The following ALCAM variants were observed in gnomAD, a reference collection of about 807,000 sequenced individuals.
ALCAM encodes activated leukocyte cell adhesion molecule.
In ALCAM, 30 loss-of-function variants were observed where a neutral mutation model predicts 70.9. The observed-to-expected ratio is 0.42, with a 90% CI of 0.32 to 0.57. The LOEUF (loss-of-function observed/expected upper bound fraction) is 0.57, where lower values mean the gene tolerates loss of function less well. ALCAM is among the 20% of genes least tolerant of loss of function. The probability of loss-of-function intolerance (pLI) is 0.11; values close to 1 mark genes in which losing one functional copy is unlikely to be tolerated. For missense variants in ALCAM, 591 were observed against 695.1 expected, an observed-to-expected ratio of 0.85 and a Z score of 1.68; for synonymous variants, 249 against 242.5, an observed-to-expected ratio of 1.03 and a Z score of -0.25.
intron 4 of ALCAM, among the ~76,000 whole-genome samples, chr3:105,533,344 A>C (rs1939888365): frequency 6.6e-6 from 1 of 152,202 alleles, no homozygotes; most frequent in Admixed American, 6.5e-5. Flanking sequence ...TTTCAAATGA[A>C]TGTGATTTTA....
chr3:105,389,254 C>T (rs916869182), intron 1 of ALCAM, among the ~76,000 whole-genome samples: 6 of 150,234 alleles, frequency 4.0e-5, no homozygotes, highest in African/African-American at 7.3e-5. Flanking sequence ...ATTAAAAATA[C>T]GGGATGAAAG....
intron 1 of ALCAM, among the ~76,000 whole-genome samples, chr3:105,368,297 TCG>T (rs1393642537): frequency 2.9e-5 from 4 of 136,258 alleles, no homozygotes. Flanking sequence ...AAAATATCTC[TCG>T]GGAAATCCCT....
chr3:105,514,161 C>T (rs2152620897), intron 1 of ALCAM, among the ~76,000 whole-genome samples: 1 of 152,072 alleles, frequency 6.6e-6, no homozygotes, highest in East Asian at 1.9e-4. Context: ...CTGATTTCAT[C>T]TTGTTTCTTA....
rs1940939528 is a variant in ALCAM at position 105,575,364 on chromosome 3, T to C, written c.*913T>C. 1 of 152,630 alleles carries C rather than the reference T, an allele frequency of 6.6e-6. No homozygotes were observed. The highest frequency in any genetic ancestry group is 2.4e-5 in the African/African-American group (1 of 41,460). 9.5% of individuals were successfully genotyped at this position (152,630 alleles called of 1,614,324 possible). On this transcript the variant is annotated 3_prime_UTR_variant, in exon 16 of 16. Transcript: ENST00000306107. ...TGGGTTATCCACTGCCTTAAAATTA[T>C]ACCTATTTCATGTTTAAAAAGATAT...
intron 1 of ALCAM, among the ~76,000 whole-genome samples, chr3:105,462,802 T>C (rs554440253): frequency 6.6e-6 from 1 of 151,552 alleles, no homozygotes; most frequent in Admixed American, 6.6e-5. Flanking sequence ...ACGATATATG[T>C]ACTTACAAAG....
At chr3:105,419,667 A>T (rs1936595491) in intron 1 of ALCAM, among the ~76,000 whole-genome samples, 1 of 151,834 alleles carries the variant, frequency 6.6e-6, no homozygotes, top group African/African-American at 2.4e-5. Flanking sequence ...GGAATTTTTT[A>T]AAAATATGGC....
intron 1 of ALCAM, among the ~76,000 whole-genome samples, chr3:105,494,149 A>G (rs7646694): frequency 0.013 from 1,998 of 152,280 alleles, 33 homozygotes; most frequent in African/African-American, 0.044. Flanking sequence ...AGGGTCAATG[A>G]GGAAATCTCT....
intron 8 of ALCAM, among the ~76,000 whole-genome samples, chr3:105,543,142 C>T (rs946633867): frequency 3.3e-5 from 5 of 151,566 alleles, no homozygotes; most frequent in Non-Finnish European, 1.5e-5. Context: ...GCAAGGTACA[C>T]AGGTCTCTAA....
At chr3:105,524,117 A>T (rs913409363) in intron 2 of ALCAM, among the ~76,000 whole-genome samples, 172 bp from the exon 3 acceptor site, 1 of 152,164 alleles carries the variant, frequency 6.6e-6, no homozygotes, top group Admixed American at 6.5e-5. Flanking sequence ...CTTCTCTCTT[A>T]TGAAGGATTT....
chr3:105,541,827 C>T lies in ALCAM; in HGVS notation c.991+62C>T. On this transcript the variant is annotated intron_variant, in intron 8 of 15. Transcript: ENST00000306107. ...AAAGGCTTCTAATAGCTTAATGTAG[C>T]TATCTTTTCAAATAAACTGCACGTA... 3 of 1,576,094 alleles carry T rather than the reference C, an allele frequency of 1.9e-6. No individual in the cohort carries two copies. The East Asian group carries it at 6.7e-5, about 35-fold the overall frequency.
chr3:105,574,219 T>C (rs1159052002), intron 15 of ALCAM, among the ~76,000 whole-genome samples: 1 of 152,002 alleles, frequency 6.6e-6, no homozygotes, highest in Non-Finnish European at 1.5e-5. Flanking sequence ...AGAAATGCAA[T>C]GAAATATTTT....
At chr3:105,552,837 G>T in intron 14 of ALCAM, 1 of 1,252,566 alleles carries the variant, frequency 8.0e-7, no homozygotes, top group South Asian at 1.9e-5. Context: ...TCAATTATTT[G>T]ATTTTTTCAG....
At chr3:105,504,987 T>C (rs1939032697) in intron 1 of ALCAM, among the ~76,000 whole-genome samples, 1 of 152,210 alleles carries the variant, frequency 6.6e-6, no homozygotes, top group South Asian at 2.1e-4. Flanking sequence ...TTAGTGCATA[T>C]TGGCTAAGTA....
chr3:105,376,155 G>A (rs547465087), intron 1 of ALCAM, among the ~76,000 whole-genome samples: 3 of 152,234 alleles, frequency 2.0e-5, no homozygotes, highest in Admixed American at 2.0e-4. Context: ...TGAAGGATTA[G>A]AGGCATGGAA....
Position 105,532,576 on chromosome 3 carries a change from T to A in ALCAM, c.459+510T>A, listed in dbSNP as rs1294650212. 2.6e-5 allele frequency among the ~76,000 whole-genome samples: 4 copies of A among 152,098 alleles called. 1 individual carries two copies. The highest frequency in any genetic ancestry group is 5.9e-5 in the Non-Finnish European group (4 of 68,016). On this transcript the variant is annotated intron_variant, in intron 4 of 15. Coordinates refer to ENST00000306107, the MANE Select transcript of ALCAM (RefSeq NM_001627.4). ...GTGAGCCATGTTTGCACCATTGCAT[T>A]CCATTGTGGACGACAGAGCCAGACC...
In ALCAM at chr3:105,534,856, C is replaced by A. The variant is rs1349830654; in HGVS notation, c.730+11C>A. On this transcript the variant is annotated intron_variant, in intron 6 of 15. Transcript: ENST00000306107. Reference sequence around the variant, plus strand: ...TATTTGATATTTACTGTAAGTAATTCAATATATAATTATGCTATTTAATGT... The same window carrying A: ...TATTTGATATTTACTGTAAGTAATTAAATATATAATTATGCTATTTAATGT... 6.3e-7 allele frequency: 1 copy of A among 1,593,572 alleles called. No homozygotes were observed. The highest frequency in any genetic ancestry group is 8.6e-7 in the Non-Finnish European group (1 of 1,166,304).
intron 3 of ALCAM, among the ~76,000 whole-genome samples, chr3:105,529,739 T>A (rs549944552): frequency 2.0e-5 from 3 of 152,218 alleles, no homozygotes; most frequent in African/African-American, 7.2e-5. Flanking sequence ...AAAGCATTTA[T>A]GGCAACAAAA....
intron 15 of ALCAM, among the ~76,000 whole-genome samples, chr3:105,572,613 T>A (rs148397895): frequency 3.0e-4 from 46 of 152,356 alleles, no homozygotes; most frequent in African/African-American, 1.0e-3. Context: ...ATGGGATTGC[T>A]GGGTCAAATG....
intron 1 of ALCAM, among the ~76,000 whole-genome samples, chr3:105,477,950 A>G (rs1468888228): frequency 6.6e-6 from 1 of 152,022 alleles, no homozygotes; most frequent in East Asian, 1.9e-4. Flanking sequence ...TATCTTCTGT[A>G]TTAATTCATT....
Sources: gnomAD v4.1 joint callset for allele counts (sites outside exome capture counted in the v4.1 genomes callset) on GRCh38, gnomAD v4.1.1 for gene constraint, MANE v1.5 for transcripts, NCBI Gene and HGNC (gene_info 2026-07-23, HGNC 2026-07-21) for gene names.